GIPC1: variants seen among roughly 807,000 people sequenced by gnomAD.
GIPC1 encodes GIPC PDZ domain containing family member 1.
In GIPC1, 15 loss-of-function variants were observed where a neutral mutation model predicts 28.5. That is an observed-to-expected ratio of 0.53 (90% confidence interval 0.35 to 0.81). GIPC1 has a LOEUF of 0.81. Among genes scored for constraint, GIPC1 ranks in the 30% least tolerant of loss-of-function variants. The pLI is 0.01. For synonymous variants in GIPC1, 224 were observed against 206.1 expected, an observed-to-expected ratio of 1.09 and a Z score of -0.74; for missense variants, 439 against 481.9, an observed-to-expected ratio of 0.91 and a Z score of 0.83.
At chr19:14,488,221 T>A (rs545804870) in intron 3 of GIPC1, among the ~76,000 whole-genome samples, 2 of 148,592 alleles carry the variant, frequency 1.3e-5, no homozygotes, top group Non-Finnish European at 3.0e-5. Flanking sequence ...GAGGTTGAGG[T>A]TGACGGATCA....
chr19:14,491,447 T>C (rs1157489303), intron 3 of GIPC1, among the ~76,000 whole-genome samples: 1 of 151,874 alleles, frequency 6.6e-6, no homozygotes, highest in Non-Finnish European at 1.5e-5. Flanking sequence ...TTAGTAGAGA[T>C]GGGGTTTCTC....
At chr19:14,480,828 C>T in intron 4 of GIPC1, 50 bp from the exon 5 acceptor site, 1 of 1,316,802 alleles carries the variant, frequency 7.6e-7, no homozygotes, top group South Asian at 1.3e-5. Context: ...TCCCCCTTTT[C>T]TAATCACCAC....
At chr19:14,492,271 T>G (rs768085134) in intron 2 of GIPC1, among the ~76,000 whole-genome samples, 3 of 151,928 alleles carry the variant, frequency 2.0e-5, no homozygotes, top group African/African-American at 7.3e-5. Context: ...ACAATAAGGG[T>G]TGCATAAATA....
At chr19:14,493,953 G>A (rs1307213669) in intron 1 of GIPC1, among the ~76,000 whole-genome samples, 1 of 148,962 alleles carries the variant, frequency 6.7e-6, no homozygotes, top group East Asian at 2.0e-4. Flanking sequence ...AAGCCACCAC[G>A]CCTGGCCTAT....
At chr19:14,480,117 T>C in intron 6 of GIPC1, 188 bp downstream of exon 6, 1 of 604,266 alleles carries the variant, frequency 1.7e-6, no homozygotes, top group Non-Finnish European at 2.9e-6. Flanking sequence ...GCCCCCGCCC[T>C]TCTCCCAGGC....
In GIPC1 at chr19:14,492,920, A is replaced by T. The variant is rs1599366068; in HGVS notation, c.-174-8T>A. 1 of 152,286 alleles carries T rather than the reference A, an allele frequency of 6.6e-6. No individual in the cohort carries two copies. The highest frequency in any genetic ancestry group is 2.4e-5 in the African/African-American group (1 of 41,452). The allele number at this position is 152,286 out of a possible 1,614,324, so 9.4% of individuals were successfully genotyped here. A position where few individuals can be genotyped will look rare whatever the true frequency, so the allele number is the denominator to read the frequency against. ...GGGCCTCAGTTTCTTCATCTGAAAA[A>T]TGGGTGGAATTCCTGTCACTCTCAA... On this transcript the variant is annotated splice_region_variant and splice_polypyrimidine_tract_variant and intron_variant, in intron 1 of 8. Coordinates refer to ENST00000393033, the MANE Select transcript of GIPC1 (RefSeq NM_005716.4).
Position 14,480,636 on chromosome 19 carries a change from C to T in GIPC1, c.431G>A (p.Gly144Glu). Reference sequence around the variant, plus strand: ...AGCCCCGTTGTCCGTGATGGTGAGCCCGAGTGCATCCTCCGACTTGAACAC... The same window carrying T: ...AGCCCCGTTGTCCGTGATGGTGAGCTCGAGTGCATCCTCCGACTTGAACAC... ...VEVFKSEDAL[G>E]LTITDNGAGY... is the part of the protein sequence containing the mutation. The change falls in exon 5 of 9, where the codon GGG becomes GAG. Residue 144 changes from glycine (G) to glutamate (E), a missense_variant. Transcript: ENST00000393033. 1 of 1,614,202 alleles carries T rather than the reference C, an allele frequency of 6.2e-7. No individual in the cohort carries two copies. Among genetic ancestry groups the T allele is most frequent in the Non-Finnish European group, 8.5e-7 (1 of 1,180,022 alleles).
intron 5 of GIPC1, 52 bp downstream of exon 5, chr19:14,480,541 C>T (rs2071704718): frequency 2.5e-6 from 4 of 1,605,038 alleles, no homozygotes; most frequent in Middle Eastern, 3.3e-4. Context: ...TCCGGGGTCC[C>T]ATGGCCCACC....
chr19:14,480,056 T>C, intron 6 of GIPC1: 4 of 587,704 alleles, frequency 6.8e-6, no homozygotes, highest in Non-Finnish European at 1.2e-5. Context: ...TGAGGGCGCT[T>C]GGCTGGGCTA....
At chr19:14,493,705 G>A (rs995897134) in intron 1 of GIPC1, among the ~76,000 whole-genome samples, 4 of 152,092 alleles carry the variant, frequency 2.6e-5, no homozygotes, top group African/African-American at 9.7e-5. Context: ...TGTTGCCCAG[G>A]TTGGAGTGCA....
Position 14,480,655 on chromosome 19 carries a change from T to TG in GIPC1, c.411dup (p.Lys138GlnfsTer45). Reference sequence around the variant, plus strand: ...GTGAGCCCGAGTGCATCCTCCGACTTGAACACCTCCACCTCCTTGCGCTGC... The same window carrying TG: ...GTGAGCCCGAGTGCATCCTCCGACTTGGAACACCTCCACCTCCTTGCGCTGC... On this transcript the variant is annotated frameshift_variant, in exon 5 of 9. Transcript: ENST00000393033. LOFTEE classifies it high-confidence loss of function. 6.2e-7 allele frequency: 1 copy of TG among 1,614,190 alleles called. No individual in the cohort carries two copies. The highest frequency in any genetic ancestry group is 8.5e-7 in the Non-Finnish European group (1 of 1,180,018).
rs2241357 is a variant in GIPC1, at chr19:14,480,107, G to A, written c.655+198C>T. On this transcript the variant is annotated intron_variant, in intron 6 of 8. Transcript: ENST00000393033. ...TAGGTGTGAGGGCAACTTCCTCCTC[G>A]CCCCCGCCCTTCTCCCAGGCTGGGC... 103,047 of 599,274 alleles carry A rather than the reference G, an allele frequency of 0.17. 9,454 individuals are homozygous for A. Among genetic ancestry groups the A allele is most frequent in the East Asian group, 0.23 (8,367 of 35,780 alleles). 37.1% of individuals were successfully genotyped at this position (599,274 alleles called of 1,614,324 possible).
intron 4 of GIPC1, chr19:14,482,127 T>C (rs1644713110): frequency 6.2e-6 from 1 of 161,238 alleles, no homozygotes; most frequent in Non-Finnish European, 1.4e-5. Context: ...CATTTAACTG[T>C]GGCCATCAGC....
At position 14,482,780 on chromosome 19, in the gene GIPC1, T is replaced by C. The variant is rs373822103; in HGVS notation, c.197A>G (p.His66Arg). 2.5e-6 allele frequency: 4 copies of C among 1,608,156 alleles called. No homozygotes were observed. Among genetic ancestry groups the C allele is most frequent in the South Asian group, 1.1e-5 (1 of 90,616 alleles). The change falls in exon 4 of 9, where the codon CAT becomes CGT. Residue 66 changes from histidine (H) to arginine (R), a missense_variant. Coordinates refer to ENST00000393033, the MANE Select transcript of GIPC1 (RefSeq NM_005716.4). ...PRLVFHTQLA[H>R]GSPTGRIEGF... ...CTCGATGCGGCCAGTGGGACTGCCA[T>C]GGGCCAGCTGGGTGTGGAACACGAG...
Position 14,478,736 on chromosome 19 carries a change from C to T in GIPC1, c.798G>A (p.Glu266=), listed in dbSNP as rs75666739. 60 of 1,613,820 alleles carry T rather than the reference C, an allele frequency of 3.7e-5. No homozygotes were observed. The African/African-American group carries it at 6.8e-4, about 18-fold the overall frequency. ...AACTCTCCAGCAGGTCATCCACCTT[C>T]TCAATGGCCTTCTCTTCAAAGGCAG... ...LPSAFEEKAI[E]KVDDLLESYM... The change falls in exon 8 of 9, where the codon GAG becomes GAA. Residue 266 remains glutamate, a synonymous_variant. Transcript: ENST00000393033. This position sits in a 1 kb window ranked among gnomAD's most constrained non-coding sequence, Gnocchi z 5.2.
chr19:14,480,837 A>G, intron 4 of GIPC1, 59 bp from the exon 5 acceptor site: 1 of 1,216,956 alleles, frequency 8.2e-7, no homozygotes, highest in Non-Finnish European at 1.2e-6. Flanking sequence ...TCTAATCACC[A>G]CTGGAGGGCG....
rs1425236107 is a variant in GIPC1 at position 14,482,942 on chromosome 19, G to A, written c.35C>T (p.Pro12Leu). Residue 12 changes from proline to leucine, a missense_variant, in exon 4 of 9, where the codon CCC becomes CTC. Transcript: ENST00000393033. ...AGCCTCCTCATTTTCCACTAGAGGG[G>A]GCGCCTTTTTCCGCCGCCCCAGTCC... is the stretch of plus-strand genomic sequence containing the variant. ...PLGLGRRKKAPPLVENEEAEP... is the reference protein window; with the variant it reads ...PLGLGRRKKALPLVENEEAEP... The A allele has an allele frequency of 6.2e-7, 1 of 1,611,812 alleles. No homozygotes were observed. Among genetic ancestry groups the A allele is most frequent in the East Asian group, 2.2e-5 (1 of 44,864 alleles).
At chr19:14,491,239 T>C (rs924224474) in intron 3 of GIPC1, among the ~76,000 whole-genome samples, 1 of 151,750 alleles carries the variant, frequency 6.6e-6, no homozygotes, top group African/African-American at 2.4e-5. Flanking sequence ...GGGGCCATGC[T>C]GGATTCAGCT....
intron 6 of GIPC1, 40 bp downstream of exon 6, chr19:14,480,265 G>C: frequency 1.3e-5 from 21 of 1,565,046 alleles, no homozygotes; most frequent in Non-Finnish European, 1.8e-5. Context: ...GCGCCCATGC[G>C]AGCAGCGCCA....
Sources: allele counts gnomAD v4.1 joint callset (sites outside exome capture counted in the v4.1 genomes callset), GRCh38; gene constraint gnomAD v4.1.1; non-coding constraint Gnocchi (gnomAD v3.1); transcripts MANE v1.5; gene names NCBI Gene and HGNC (gene_info 2026-07-23, HGNC 2026-07-21).